The following PTGIS variants were observed in gnomAD, a reference collection of about 807,000 sequenced individuals.
PTGIS encodes the protein prostacyclin synthase.
A neutral mutation model predicts 50.3 loss-of-function variants in PTGIS; 45 were observed. That is an observed-to-expected ratio of 0.90 (90% CI 0.70 to 1.15). PTGIS has a LOEUF of 1.15. PTGIS is among the 50% of genes most tolerant of loss of function. The pLI is 0.00. For missense variants in PTGIS, 668 were observed against 661.3 expected, an observed-to-expected ratio of 1.01 and a Z score of -0.11; for synonymous variants, 260 against 267.7, an observed-to-expected ratio of 0.97 and a Z score of 0.28.
intron 5 of PTGIS, among the ~76,000 whole-genome samples, chr20:49,536,867 A>G (rs576926163): frequency 6.6e-5 from 10 of 152,102 alleles, no homozygotes; most frequent in Non-Finnish European, 1.3e-4. Context: ...TGCAGATGAG[A>G]TCGCTGAGGC....
intron 1 of PTGIS, among the ~76,000 whole-genome samples, chr20:49,551,070 C>G (rs6095576): frequency 0.04 from 6,109 of 152,078 alleles, 344 homozygotes; most frequent in African/African-American, 0.13. Flanking sequence ...CAGGCATGGT[C>G]GTGGTGCATG....
rs1211311863 is a variant in PTGIS, at chr20:49,544,267, C to CG, written c.521+37dup. ...TCATGGCTGACACAGGTCAAAGTGC[C>CG]GGGCCCCAGCAGGAGGGTGGGGGCT... On this transcript the variant is annotated intron_variant, in intron 4 of 9. Transcript: ENST00000244043. 4.3e-6 allele frequency: 7 copies of CG among 1,612,028 alleles called. No homozygotes were observed. The African/African-American group carries it at 8.0e-5, about 18-fold the overall frequency.
At chr20:49,509,719 T>C (rs566134979) in intron 9 of PTGIS, among the ~76,000 whole-genome samples, 6 of 152,154 alleles carry the variant, frequency 3.9e-5, no homozygotes, top group African/African-American at 1.4e-4. Context: ...AGCACTTACA[T>C]AGTTCTTAGC....
chr20:49,520,605 A>G (rs866602628), intron 6 of PTGIS, among the ~76,000 whole-genome samples: 1 of 151,954 alleles, frequency 6.6e-6, no homozygotes, highest in African/African-American at 2.4e-5. Flanking sequence ...AAGTGCTGGG[A>G]TTACAGGCGT....
chr20:49,556,397 T>A (rs1255410704), intron 1 of PTGIS, among the ~76,000 whole-genome samples: 1 of 151,962 alleles, frequency 6.6e-6, no homozygotes, highest in Non-Finnish European at 1.5e-5. Context: ...ACCCTGTCGT[T>A]TACAGGGTCC....
chr20:49,518,990 C>T (rs1471302614), intron 6 of PTGIS, among the ~76,000 whole-genome samples: 3 of 152,052 alleles, frequency 2.0e-5, no homozygotes, highest in Admixed American at 6.6e-5. Context: ...AGCCAGATAT[C>T]GGGAAGGAAG....
chr20:49,529,583 A>C (rs975920716), intron 5 of PTGIS, among the ~76,000 whole-genome samples: 2 of 152,172 alleles, frequency 1.3e-5, no homozygotes, highest in African/African-American at 4.8e-5. Context: ...CCTAAGTTTG[A>C]AATCGCACAC....
At chr20:49,564,248 T>A (rs1182040400) in intron 1 of PTGIS, among the ~76,000 whole-genome samples, 1 of 152,206 alleles carries the variant, frequency 6.6e-6, no homozygotes, top group Non-Finnish European at 1.5e-5. Flanking sequence ...TGGAATATCA[T>A]GACATCTAAT....
chr20:49,559,958 T>A (rs551153479), intron 1 of PTGIS, among the ~76,000 whole-genome samples: 43 of 151,380 alleles, frequency 2.8e-4, no homozygotes, highest in Middle Eastern at 3.4e-3. Context: ...GGAATCTTGG[T>A]CTGTCGCCAA....
chr20:49,539,620 C>A lies in PTGIS; in HGVS notation c.623G>T (p.Arg208Leu). The change falls in exon 5 of 10, where the codon CGC (arginine) becomes CTC (leucine). Residue 208 changes from arginine to leucine, a missense_variant. By Grantham distance (102) the Arg-to-Leu change is moderately radical. Transcript: ENST00000244043. ...VHSADVFHTF[R>L]QLDRLLPKLA... ...TTTGGGGAGCAGCCGGTCGAGCTGG[C>A]GAAAGGTGTGGAAGACATCAGCTGA... is the stretch of plus-strand genomic sequence containing the variant. 3.1e-6 allele frequency: 5 copies of A among 1,613,980 alleles called. No individual in the cohort carries two copies. Among genetic ancestry groups the A allele is most frequent in the Non-Finnish European group, 4.2e-6 (5 of 1,179,990 alleles).
Position 49,542,144 on chromosome 20 carries a change from T to G in PTGIS, c.521+2161A>C, listed in dbSNP as rs115913005. Among the ~76,000 whole-genome samples, 837 of 151,846 alleles carry G rather than the reference T, an allele frequency of 5.5e-3. 3 individuals carry two copies. The highest frequency in any genetic ancestry group is 0.019 in the African/African-American group (795 of 41,416). On this transcript the variant is annotated intron_variant, in intron 4 of 9. Coordinates refer to ENST00000244043, the MANE Select transcript of PTGIS (RefSeq NM_000961.4). ...GCTCAAGGGGCAGCAGAGAGGTAGGTGGGAGGAGGGGAGGCCAGGGCTACA... is the reference window on the plus strand; with the variant it reads ...GCTCAAGGGGCAGCAGAGAGGTAGGGGGGAGGAGGGGAGGCCAGGGCTACA...
intron 6 of PTGIS, among the ~76,000 whole-genome samples, chr20:49,520,368 C>G (rs1466038866): frequency 6.6e-6 from 1 of 150,804 alleles, no homozygotes; most frequent in Non-Finnish European, 1.5e-5. Flanking sequence ...GAGTCTCACT[C>G]TGTTGCCCAG....
intron 6 of PTGIS, among the ~76,000 whole-genome samples, chr20:49,523,435 T>G (rs1981707440): frequency 6.6e-6 from 1 of 152,108 alleles, no homozygotes; most frequent in Non-Finnish European, 1.5e-5. Context: ...TTCATTAAAC[T>G]ATTTATTAAA....
chr20:49,514,910 A>C (rs1981435422), intron 6 of PTGIS, among the ~76,000 whole-genome samples: 1 of 152,196 alleles, frequency 6.6e-6, no homozygotes, highest in Non-Finnish European at 1.5e-5. Flanking sequence ...CAGCCACTCT[A>C]CGCCTAAGCC....
At chr20:49,557,908 C>T (rs377083757) in intron 1 of PTGIS, among the ~76,000 whole-genome samples, 16 of 152,176 alleles carry the variant, frequency 1.1e-4, no homozygotes, top group African/African-American at 3.6e-4. Flanking sequence ...GCCCACCTTT[C>T]CCCCGCTTTA....
chr20:49,527,833 A>G (rs1250800904), intron 5 of PTGIS, among the ~76,000 whole-genome samples: 1 of 152,222 alleles, frequency 6.6e-6, no homozygotes, highest in African/African-American at 2.4e-5. Flanking sequence ...ATAGTGTTGT[A>G]TAACAAAGAA....
intron 6 of PTGIS, among the ~76,000 whole-genome samples, chr20:49,517,370 ATC>A (rs1406400542): frequency 6.6e-6 from 1 of 152,168 alleles, no homozygotes; most frequent in South Asian, 2.1e-4. Flanking sequence ...GCGCTTGGCT[ATC>A]TCTGCCTGCA....
intron 9 of PTGIS, among the ~76,000 whole-genome samples, 161 bp from the exon 10 acceptor site, chr20:49,508,225 A>C (rs1468146232): frequency 1.3e-5 from 2 of 152,230 alleles, no homozygotes; most frequent in African/African-American, 4.8e-5. Context: ...GCTGCTCACC[A>C]CATTTGCCAG....
intron 6 of PTGIS, among the ~76,000 whole-genome samples, chr20:49,515,015 C>T (rs965775077): frequency 5.9e-5 from 9 of 152,168 alleles, no homozygotes; most frequent in African/African-American, 2.2e-4. Context: ...CCCCAATGAG[C>T]CAGACCCACA....
Sources: gnomAD v4.1 joint callset for allele counts (sites outside exome capture counted in the v4.1 genomes callset) on GRCh38, gnomAD v4.1.1 for gene constraint, MANE v1.5 for transcripts, NCBI Gene and HGNC (gene_info 2026-07-23, HGNC 2026-07-21) for gene names.